Variants in XKR4 observed in about 807,000 individuals in gnomAD.
XKR4 encodes XK related 4.
XKR4 carries 12 observed loss-of-function variants against 53.9 expected under a neutral mutation model. The ratio of observed to expected loss-of-function variants is 0.22; its 90% confidence interval spans 0.14 to 0.36. XKR4 has a LOEUF of 0.36. Among genes scored for constraint, XKR4 ranks in the 10% least tolerant of loss-of-function variants. The pLI is 1.00. For synonymous variants in XKR4, 354 were observed against 362.4 expected (o/e 0.98, Z 0.26); for missense variants, 799 against 859.5 (o/e 0.93, Z 0.88).
intron 1 of XKR4, among the ~76,000 whole-genome samples, chr8:55,174,297 G>C (rs955482197): frequency 6.6e-6 from 1 of 152,060 alleles, no homozygotes; most frequent in South Asian, 2.1e-4. Flanking sequence ...TCTGGCTTTT[G>C]TAGGTCAGTT....
In XKR4 at chr8:55,396,022, T is replaced by C. The variant is rs532629804; in HGVS notation, c.1006+38145T>C. ...GAGAGAGAGGAAGTGGGTTCCCTCC[T>C]GTCTCTTTTTATAAGGAGAGTCATC... On this transcript the variant is annotated intron_variant, in intron 2 of 2. Coordinates refer to ENST00000327381, the MANE Select transcript of XKR4 (RefSeq NM_052898.2). Among the ~76,000 whole-genome samples the C allele has an allele frequency of 3.9e-5, 6 of 152,370 alleles. No homozygotes were observed. In the South Asian group the frequency reaches 6.2e-4, roughly 16 times the overall value.
At chr8:55,312,398 C>A (rs1007110256) in intron 1 of XKR4, among the ~76,000 whole-genome samples, 1 of 151,936 alleles carries the variant, frequency 6.6e-6, no homozygotes, top group African/African-American at 2.4e-5. Flanking sequence ...TATTTGTTTC[C>A]TTTATTTATA....
intron 1 of XKR4, among the ~76,000 whole-genome samples, chr8:55,137,921 C>G (rs951844786): frequency 2.6e-5 from 4 of 151,598 alleles, no homozygotes; most frequent in African/African-American, 9.7e-5. Context: ...TGGATAGTAA[C>G]AATAATAACT....
At chr8:55,405,648 CT>C (rs1804669866) in intron 2 of XKR4, among the ~76,000 whole-genome samples, 1 of 152,210 alleles carries the variant, frequency 6.6e-6, no homozygotes, top group Admixed American at 6.5e-5. Flanking sequence ...ACTCTTGATA[CT>C]CTTCAATTCC....
intron 1 of XKR4, among the ~76,000 whole-genome samples, chr8:55,308,353 G>T (rs1187248353): frequency 5.3e-5 from 8 of 152,188 alleles, no homozygotes; most frequent in Admixed American, 5.2e-4. Context: ...CCTGGCTGGG[G>T]AGGCCTAAGG....
intron 2 of XKR4, chr8:55,450,557 TG>T: frequency 1.4e-6 from 1 of 704,862 alleles, no homozygotes; most frequent in Non-Finnish European, 2.6e-6. Flanking sequence ...GGACACGTGG[TG>T]GTAGCCGAGG....
intron 1 of XKR4, among the ~76,000 whole-genome samples, chr8:55,172,645 T>TGACA (rs1263427861): frequency 6.6e-6 from 1 of 152,180 alleles, no homozygotes; most frequent in African/African-American, 2.4e-5. Flanking sequence ...AGCACAGGTA[T>TGACA]TTAAAAAACA....
At chr8:55,472,794 T>C (rs1308438536) in intron 2 of XKR4, among the ~76,000 whole-genome samples, 1 of 152,082 alleles carries the variant, frequency 6.6e-6, no homozygotes, top group Admixed American at 6.5e-5. Flanking sequence ...TGGAGTATTC[T>C]GAAGAATAAT....
chr8:55,144,468 G>A (rs1374485522), intron 1 of XKR4, among the ~76,000 whole-genome samples: 4 of 151,960 alleles, frequency 2.6e-5, no homozygotes, highest in Admixed American at 6.6e-5. Context: ...AAAGAGAGCC[G>A]TCTGCAGCTA....
chr8:55,148,901 C>T (rs1269090579), intron 1 of XKR4, among the ~76,000 whole-genome samples: 1 of 152,182 alleles, frequency 6.6e-6, no homozygotes, highest in East Asian at 1.9e-4. Flanking sequence ...TCTCTTCCTA[C>T]TGAGGTGCTT....
At chr8:55,416,645 G>T (rs1223546376) in intron 2 of XKR4, among the ~76,000 whole-genome samples, 1 of 152,218 alleles carries the variant, frequency 6.6e-6, no homozygotes, top group East Asian at 1.9e-4. Context: ...AAGCAGGGGG[G>T]TGAAAAGAAG....
chr8:55,361,640 C>T (rs937364627), intron 2 of XKR4, among the ~76,000 whole-genome samples: 4 of 152,010 alleles, frequency 2.6e-5, no homozygotes, highest in African/African-American at 4.8e-5. Context: ...CGCTTAGACT[C>T]TAATCTAAAC....
intron 1 of XKR4, among the ~76,000 whole-genome samples, chr8:55,141,645 T>TTCTC (rs138063196): frequency 0.16 from 18,333 of 111,840 alleles, 1,923 homozygotes; most frequent in Middle Eastern, 0.3. Context: ...GTGCTTCTGC[T>TTCTC]TCTCTCTCTC....
chr8:55,482,942 A>T (rs898895272), intron 2 of XKR4, among the ~76,000 whole-genome samples: 2 of 152,146 alleles, frequency 1.3e-5, no homozygotes, highest in Non-Finnish European at 2.9e-5. Flanking sequence ...TTCAAATTTG[A>T]GATCTTCTTA....
At chr8:55,151,213 T>C (rs1816835648) in intron 1 of XKR4, among the ~76,000 whole-genome samples, 1 of 152,222 alleles carries the variant, frequency 6.6e-6, no homozygotes, top group African/African-American at 2.4e-5. Context: ...AGCACCACTA[T>C]CTTGTTAAAT....
intron 1 of XKR4, among the ~76,000 whole-genome samples, chr8:55,137,982 G>A (rs561733043): frequency 1.3e-5 from 2 of 152,128 alleles, no homozygotes; most frequent in South Asian, 4.2e-4. Context: ...GTATTAAAAA[G>A]ATTGTTCTGG....
intron 1 of XKR4, among the ~76,000 whole-genome samples, chr8:55,103,751 G>A (rs1169721480): frequency 6.6e-6 from 1 of 151,054 alleles, no homozygotes; most frequent in African/African-American, 2.4e-5. Flanking sequence ...TAATTCTAGT[G>A]AAATGGGAGT....
intron 2 of XKR4, among the ~76,000 whole-genome samples, chr8:55,410,102 A>AT (rs1804752294): frequency 6.7e-6 from 1 of 149,782 alleles, no homozygotes; most frequent in East Asian, 1.9e-4. Context: ...AAAAAAAAAA[A>AT]GCCTTTTGAA....
intron 2 of XKR4, among the ~76,000 whole-genome samples, chr8:55,399,240 C>T (rs1014908633): frequency 1.8e-4 from 28 of 152,298 alleles, no homozygotes; most frequent in Middle Eastern, 3.4e-3. Flanking sequence ...ACTCTCCAGG[C>T]TTAGCATTTT....
Sources: allele counts gnomAD v4.1 joint callset (sites outside exome capture counted in the v4.1 genomes callset), GRCh38; gene constraint gnomAD v4.1.1; transcripts MANE v1.5; gene names NCBI Gene and HGNC (gene_info 2026-07-23, HGNC 2026-07-21).